Variants in ERBB4 observed in about 807,000 individuals in gnomAD.
ERBB4 encodes receptor tyrosine-protein kinase erbB-4.
A neutral mutation model predicts 158.0 loss-of-function variants in ERBB4; 42 were observed. That is an observed-to-expected ratio of 0.27 (90% CI 0.21 to 0.34). The LOEUF is 0.34. Among genes scored for constraint, ERBB4 ranks in the 10% least tolerant of loss-of-function variants. ERBB4 has a pLI of 1.00. For synonymous variants in ERBB4, 583 were observed against 558.7 expected (o/e 1.04, Z -0.61); for missense variants, 1,333 against 1,624.1 (o/e 0.82, Z 3.08).
intron 1 of ERBB4, among the ~76,000 whole-genome samples, chr2:212,456,762 T>C (rs1688308744): frequency 6.6e-6 from 1 of 151,954 alleles, no homozygotes. Context: ...TAAAAATATA[T>C]AAAAACAACA....
At chr2:211,968,158 C>T (rs1337384274) in intron 2 of ERBB4, among the ~76,000 whole-genome samples, 2 of 151,994 alleles carry the variant, frequency 1.3e-5, no homozygotes, top group Admixed American at 6.6e-5. Flanking sequence ...TCAAACTGAA[C>T]ATTCTTTCAC....
rs1282173196 is a variant in ERBB4, at chr2:211,630,540, C to T, written c.2001G>A (p.Val667=). ...TAACATAAACAGCAAATGTCAGACCCACAATGACCAGAATGAAGAGCCCAC... is the reference window on the plus strand; with the variant it reads ...TAACATAAACAGCAAATGTCAGACCTACAATGACCAGAATGAAGAGCCCAC... The part of the protein sequence containing the change: ...VIGGLFILVI[V]GLTFAVYVRR... The change falls in exon 17 of 28, where the codon GTG becomes GTA. Residue 667 remains valine, a synonymous_variant. Transcript: ENST00000342788. The T allele has an allele frequency of 6.2e-7, 1 of 1,613,380 alleles. No individual in the cohort carries two copies. The highest frequency in any genetic ancestry group is 8.5e-7 in the Non-Finnish European group (1 of 1,179,774).
intron 25 of ERBB4, among the ~76,000 whole-genome samples, chr2:211,420,102 G>A (rs2063484031): frequency 6.6e-6 from 1 of 151,984 alleles, no homozygotes; most frequent in Non-Finnish European, 1.5e-5. Flanking sequence ...AGCCTACTTG[G>A]TAGGAATTTT....
At chr2:212,081,839 T>C (rs1178503465) in intron 2 of ERBB4, among the ~76,000 whole-genome samples, 1 of 152,126 alleles carries the variant, frequency 6.6e-6, no homozygotes, top group African/African-American at 2.4e-5. Flanking sequence ...TCTGGGTTTT[T>C]TATATGTAAC....
chr2:212,265,034 G>T (rs909380686), intron 1 of ERBB4, among the ~76,000 whole-genome samples: 6 of 151,888 alleles, frequency 4.0e-5, no homozygotes, highest in Admixed American at 2.0e-4. Flanking sequence ...GGCCCACTGG[G>T]GTCCATTCTA....
intron 1 of ERBB4, among the ~76,000 whole-genome samples, chr2:212,216,023 T>G (rs2083087478): frequency 6.6e-6 from 1 of 151,324 alleles, no homozygotes; most frequent in African/African-American, 2.4e-5. Flanking sequence ...ATAACATAAT[T>G]TTAAAGTTCA....
chr2:211,937,174 A>G (rs2080348171), intron 3 of ERBB4, among the ~76,000 whole-genome samples: 1 of 152,150 alleles, frequency 6.6e-6, no homozygotes, highest in Non-Finnish European at 1.5e-5. Flanking sequence ...CTCTTTTTAG[A>G]AAGTGTGGAC....
At chr2:211,477,357 T>C (rs2064980905) in intron 20 of ERBB4, among the ~76,000 whole-genome samples, 1 of 152,106 alleles carries the variant, frequency 6.6e-6, no homozygotes, top group Non-Finnish European at 1.5e-5. Flanking sequence ...CACACATTTA[T>C]TCTGTTGGTT....
At chr2:212,154,717 T>C (rs899709788) in intron 1 of ERBB4, among the ~76,000 whole-genome samples, 1 of 151,366 alleles carries the variant, frequency 6.6e-6, no homozygotes, top group Non-Finnish European at 1.5e-5. Context: ...TATTTCTTTT[T>C]TTAAAAGGTA....
At position 212,125,451 on chromosome 2, in the gene ERBB4, C is replaced by T. The variant is rs115409577; in HGVS notation, c.83-548G>A. Among the ~76,000 whole-genome samples the T allele has an allele frequency of 7.1e-3, 1,082 of 152,202 alleles. 7 individuals carry two copies. Among genetic ancestry groups the T allele is most frequent in the Middle Eastern group, 0.024 (7 of 294 alleles). ...TTTATTTTAAGTTCAGGGGTACATA[C>T]GCAGGCTTGTTTACATAGGTAAACC... is the stretch of plus-strand genomic sequence containing the variant. On this transcript the variant is annotated intron_variant, in intron 1 of 27. Transcript: ENST00000342788.
At chr2:212,431,593 T>A (rs914300669) in intron 1 of ERBB4, among the ~76,000 whole-genome samples, 7 of 152,166 alleles carry the variant, frequency 4.6e-5, no homozygotes, top group African/African-American at 1.7e-4. Flanking sequence ...CTCCACTTCT[T>A]AGCATTCCTC....
intron 3 of ERBB4, among the ~76,000 whole-genome samples, chr2:211,798,465 C>T (rs1378598286): frequency 1.3e-5 from 2 of 152,176 alleles, no homozygotes; most frequent in Admixed American, 6.6e-5. Context: ...AATTACTTCA[C>T]GTTTCTTTTC....
At chr2:211,779,306 A>G (rs1194156595) in intron 4 of ERBB4, 1 of 152,168 alleles carries the variant, frequency 6.6e-6, no homozygotes, top group Non-Finnish European at 1.5e-5. Flanking sequence ...CTTATTAGCT[A>G]ATTCATCACT....
At chr2:211,690,269 G>A (rs541447393) in intron 12 of ERBB4, among the ~76,000 whole-genome samples, 4 of 151,864 alleles carry the variant, frequency 2.6e-5, no homozygotes, top group African/African-American at 7.3e-5. Context: ...ACCATATCAC[G>A]TTATTTACTT....
chr2:212,436,095 T>C (rs560613035), intron 1 of ERBB4, among the ~76,000 whole-genome samples: 8 of 151,864 alleles, frequency 5.3e-5, no homozygotes, highest in Non-Finnish European at 1.0e-4. Context: ...TCAATCATTG[T>C]ATATAACATA....
intron 25 of ERBB4, among the ~76,000 whole-genome samples, chr2:211,398,344 A>C (rs544726641): frequency 2.0e-5 from 3 of 152,242 alleles, no homozygotes; most frequent in South Asian, 2.1e-4. Flanking sequence ...GGATACTTAG[A>C]GAGTAAAAGA....
At chr2:211,942,920 G>A (rs7578784) in intron 3 of ERBB4, among the ~76,000 whole-genome samples, 81,780 of 151,796 alleles carry the variant, frequency 0.54, 22,941 homozygotes, top group Non-Finnish European at 0.62. Flanking sequence ...TTCGTACCTA[G>A]GTTATCATTG....
intron 20 of ERBB4, among the ~76,000 whole-genome samples, chr2:211,441,434 T>G (rs946878859): frequency 6.6e-6 from 1 of 152,138 alleles, no homozygotes. Flanking sequence ...TTTCACTGTT[T>G]CTTGGCCCAA....
chr2:212,495,671 C>A (rs1053611633), intron 1 of ERBB4, among the ~76,000 whole-genome samples: 7 of 152,154 alleles, frequency 4.6e-5, no homozygotes, highest in Admixed American at 4.6e-4. Context: ...CTAAAATTAG[C>A]CCTGGCACAT....
Sources: allele counts gnomAD v4.1 joint callset (sites outside exome capture counted in the v4.1 genomes callset), GRCh38; gene constraint gnomAD v4.1.1; transcripts MANE v1.5; gene names NCBI Gene and HGNC (gene_info 2026-07-23, HGNC 2026-07-21).